Variants in AP1G2 observed in about 807,000 individuals in gnomAD.
The protein encoded by AP1G2 is adaptor related protein complex 1 subunit gamma 2, also known as AP-1 complex subunit gamma-like 2.
AP1G2 carries 85 observed loss-of-function variants against 95.8 expected under a neutral mutation model. That is an observed-to-expected ratio of 0.89 (90% confidence interval 0.74 to 1.06). AP1G2 has a LOEUF of 1.06. Ranked by LOEUF, AP1G2 falls within the 50% of genes least tolerant of loss-of-function variation. The pLI is 0.00. For missense variants in AP1G2, 967 were observed against 1,005.8 expected, an observed-to-expected ratio of 0.96 and a Z score of 0.52; for synonymous variants, 378 against 400.0, an observed-to-expected ratio of 0.94 and a Z score of 0.66.
intron 14 of AP1G2, 41 bp downstream of exon 14, chr14:23,563,339 G>A: frequency 6.4e-7 from 1 of 1,558,304 alleles, no homozygotes; most frequent in Non-Finnish European, 8.7e-7. Flanking sequence ...GGGCAAGGGA[G>A]TGGTTGGGCA....
At chr14:23,561,825 C>G in intron 17 of AP1G2, 137 bp downstream of exon 17, 1 of 1,467,146 alleles carries the variant, frequency 6.8e-7, no homozygotes, top group Non-Finnish European at 9.0e-7. Flanking sequence ...AGCTTAGCTT[C>G]AATTAACAGT....
chr14:23,561,264 C>G (rs757851607), intron 19 of AP1G2, 32 bp downstream of exon 19: 1 of 1,517,224 alleles, frequency 6.6e-7, no homozygotes, highest in South Asian at 1.3e-5. Flanking sequence ...CACCTACCTT[C>G]TCTAAGACAT....
At chr14:23,565,358 A>G in intron 7 of AP1G2, 159 bp from the exon 8 acceptor site, 1 of 776,226 alleles carries the variant, frequency 1.3e-6, no homozygotes, top group Non-Finnish European at 2.1e-6. Context: ...AGGGGAACAG[A>G]GGTGTGTGAG....
chr14:23,563,472 C>T lies in AP1G2; in HGVS notation c.1318G>A (p.Ala440Thr). Residue 440 changes from alanine (A) to threonine (T), a missense_variant, in exon 14 of 22, where the codon GCC becomes ACC. By Grantham distance (58) the Ala-to-Thr change is moderately conservative. Transcript: ENST00000397120. ...AGTHVRDDAVANLTQLIGGAQ... is the reference protein window; with the variant it reads ...AGTHVRDDAVTNLTQLIGGAQ... ...CCCCCAATCAGCTGGGTCAGGTTGG[C>T]CACTGCATCATCCCGCACATGGGTG... 2.5e-6 allele frequency: 4 copies of T among 1,614,064 alleles called. No homozygotes were observed. The highest frequency in any genetic ancestry group is 3.4e-6 in the Non-Finnish European group (4 of 1,179,964).
chr14:23,562,620 T>A (rs1444770139), intron 14 of AP1G2, 27 bp from the exon 15 acceptor site: 14 of 1,603,432 alleles, frequency 8.7e-6, no homozygotes, highest in Non-Finnish European at 1.2e-5. Context: ...ACTGCTGGGC[T>A]GGCCAGGCAT....
At position 23,564,564 on chromosome 14, in the gene AP1G2, G is replaced by C; in HGVS notation, c.919C>G (p.Arg307Gly). ...IMDIRSAAGL[R>G]VLAVNILGRF... ...GGGAGAGGCATAAGGGGTGATACCCGTAGGCCAGCTGCAGAGCGGATATCC... is the reference window on the plus strand; with the variant it reads ...GGGAGAGGCATAAGGGGTGATACCCCTAGGCCAGCTGCAGAGCGGATATCC... Residue 307 changes from arginine to glycine, a missense_variant and splice_region_variant, in exon 9 of 22, where the codon CGG (arginine) becomes GGG (glycine). Coordinates refer to ENST00000397120, the MANE Select transcript of AP1G2 (RefSeq NM_003917.5). 1 of 1,613,166 alleles carries C rather than the reference G, an allele frequency of 6.2e-7. No homozygotes were observed. Among genetic ancestry groups the C allele is most frequent in the Non-Finnish European group, 8.5e-7 (1 of 1,179,916 alleles).
rs1238773905 is a variant in AP1G2, at chr14:23,559,604, T to C, written c.*145A>G. ...CTTCTCAGGCTTTATTGGGCTTTAT[T>C]TGTGGGAGAAGGGGGCTGGTCCCCA... On this transcript the variant is annotated 3_prime_UTR_variant, in exon 22 of 22. Transcript: ENST00000397120. The C allele has an allele frequency of 1.5e-6, 1 of 676,240 alleles. No individual in the cohort carries two copies. The allele number at this position is 676,240 out of a possible 1,614,324, so 41.9% of individuals were successfully genotyped here.
chr14:23,562,109 T>G (rs2139152264), intron 16 of AP1G2, 43 bp from the exon 17 acceptor site: 1 of 1,604,602 alleles, frequency 6.2e-7, no homozygotes, highest in East Asian at 2.2e-5. Flanking sequence ...AGTGTGCCAC[T>G]GCAGGATGTG....
chr14:23,565,414 C>T, intron 7 of AP1G2, 192 bp downstream of exon 7: 1 of 714,614 alleles, frequency 1.4e-6, no homozygotes, highest in Non-Finnish European at 2.3e-6. Context: ...TGTTAACAAA[C>T]TGTATTTTCC....
chr14:23,565,893 C>T lies in AP1G2; in HGVS notation c.569-1G>A, dbSNP rs748263695. ...AGCGTGATGGTGCCCAGCAGGATGC[C>T]TGGGGTCAGCGTCGGGGAAGTGAAT... On this transcript the variant is annotated splice_acceptor_variant, in intron 5 of 21. Coordinates refer to ENST00000397120, the MANE Select transcript of AP1G2 (RefSeq NM_003917.5). LOFTEE classifies it high-confidence loss of function. 2.6e-5 allele frequency: 41 copies of T among 1,591,392 alleles called. No homozygotes were observed. The highest frequency in any genetic ancestry group is 3.4e-5 in the Non-Finnish European group (40 of 1,170,852).
Position 23,565,218 on chromosome 14 carries a change from TG to T in AP1G2, c.742-20del. The T allele has an allele frequency of 6.2e-7, 1 of 1,612,496 alleles. No individual in the cohort carries two copies. Among genetic ancestry groups the T allele is most frequent in the African/African-American group, 1.3e-5 (1 of 74,890 alleles). On this transcript the variant is annotated intron_variant, in intron 7 of 21. Transcript: ENST00000397120. ...TCTGGACCTGAGGTTGGGTTGAAAA[TG>T]GAAAGTTGGAGGGGTTCATAGGATA... is the stretch of plus-strand genomic sequence containing the variant.
chr14:23,565,620 C>G lies in AP1G2; in HGVS notation c.727G>C (p.Asp243His), dbSNP rs757149895. The G allele has an allele frequency of 1.2e-6, 2 of 1,613,896 alleles. No individual in the cohort carries two copies. The highest frequency in any genetic ancestry group is 1.7e-6 in the Non-Finnish European group (2 of 1,179,850). ...GGTCACCCCACCTGCAGGAAGGGGT[C>G]GCTGACTCCAGATATGCTGTGTTCT... ...STEHSISGVS[D>H]PFLQVQILRL... The change falls in exon 7 of 22, where the codon GAC (aspartate) becomes CAC (histidine). Residue 243 changes from aspartate to histidine, a missense_variant. Coordinates refer to ENST00000397120, the MANE Select transcript of AP1G2 (RefSeq NM_003917.5).
chr14:23,562,071 G>A lies in AP1G2; in HGVS notation c.1629-5C>T, dbSNP rs765355477. On this transcript the variant is annotated splice_polypyrimidine_tract_variant and splice_region_variant and intron_variant, in intron 16 of 21. Transcript: ENST00000397120. ...GACACCACCTGGCGGATGCGGCTGG[G>A]CCAGTGTAGTATGTAAGTGGCTATG... 8 of 1,612,502 alleles carry A rather than the reference G, an allele frequency of 5.0e-6. No individual in the cohort carries two copies. The highest frequency in any genetic ancestry group is 6.8e-6 in the Non-Finnish European group (8 of 1,179,456).
chr14:23,566,410 G>A lies in AP1G2; in HGVS notation c.339C>T (p.Ser113=), dbSNP rs745554365. 6.1e-5 allele frequency: 98 copies of A among 1,613,628 alleles called. No individual in the cohort carries two copies. The highest frequency in any genetic ancestry group is 7.8e-5 in the Non-Finnish European group (92 of 1,179,844). The change falls in exon 4 of 22, where the codon AGC becomes AGT. Residue 113 remains serine (S), a synonymous_variant. Transcript: ENST00000397120. ...GGCCTTGTACTGGCTGAATCCCCTG[G>A]CTCAGGTCACTGCAGGGTTTGGGAG... ...LITNSIKNDL[S]QGIQPVQGLA...
chr14:23,561,667 G>A lies in AP1G2; in HGVS notation c.1734-32C>T, dbSNP rs766921102. 2.5e-6 allele frequency: 4 copies of A among 1,610,240 alleles called. No individual in the cohort carries two copies. In the Admixed American group the frequency reaches 5.0e-5, roughly 20 times the overall value. ...GGATGGAATGCAAGTGTGCCTCTGTGTGGTCTCTGGGCCTTTCACAAGAGG... is the reference window on the plus strand; with the variant it reads ...GGATGGAATGCAAGTGTGCCTCTGTATGGTCTCTGGGCCTTTCACAAGAGG... On this transcript the variant is annotated intron_variant, in intron 17 of 21. Coordinates refer to ENST00000397120, the MANE Select transcript of AP1G2 (RefSeq NM_003917.5).
At position 23,567,484 on chromosome 14, in the gene AP1G2, AC is replaced by A. The variant is rs1888640392; in HGVS notation, c.-5-166del. 1.4e-6 allele frequency: 2 copies of A among 1,383,334 alleles called. No homozygotes were observed. Among genetic ancestry groups the A allele is most frequent in the Non-Finnish European group, 1.9e-6 (2 of 1,076,458 alleles). The allele number at this position is 1,383,334 out of a possible 1,614,324, so 85.7% of individuals were successfully genotyped here. A position where few individuals can be genotyped will look rare whatever the true frequency, so the allele number is the denominator to read the frequency against. On this transcript the variant is annotated intron_variant, in intron 1 of 21. Coordinates refer to ENST00000397120, the MANE Select transcript of AP1G2 (RefSeq NM_003917.5). The surrounding 1 kb of genome is among the most constrained non-coding windows in gnomAD (Gnocchi z 5.3). ...AAGTGGGTCTCCAAATTCCGCGCCC[AC>A]CCCACCGCCCGAGAAGCCCACTACG...
rs190358314 is a variant in AP1G2, at chr14:23,559,711, T to G, written c.*38A>C. 2.9e-5 allele frequency: 47 copies of G among 1,604,176 alleles called. 1 individual carries two copies. The East Asian group carries it at 1.0e-3, about 35-fold the overall frequency. On this transcript the variant is annotated 3_prime_UTR_variant, in exon 22 of 22. Coordinates refer to ENST00000397120, the MANE Select transcript of AP1G2 (RefSeq NM_003917.5). The stretch of plus-strand genomic sequence containing the variant: ...GAAGCTGCTGGGGCCCCCTGGGGTT[T>G]GGGACACAGGAGAATTTCAGGCTGT...
chr14:23,560,998 A>G, intron 19 of AP1G2: 1 of 803,488 alleles, frequency 1.2e-6, no homozygotes. Flanking sequence ...AAGAACATGA[A>G]ATGCCAAGGG....
intron 17 of AP1G2, 123 bp from the exon 18 acceptor site, chr14:23,561,758 T>C: frequency 6.7e-7 from 1 of 1,481,632 alleles, no homozygotes; most frequent in East Asian, 2.5e-5. Flanking sequence ...ACCCTTCTGA[T>C]TTCCTAAAAT....
Sources: allele counts gnomAD v4.1 joint callset, GRCh38; gene constraint gnomAD v4.1.1; non-coding constraint Gnocchi (gnomAD v3.1); transcripts MANE v1.5; gene names NCBI Gene and HGNC (gene_info 2026-07-23, HGNC 2026-07-21).